WAC: variants seen among roughly 807,000 people sequenced by gnomAD.
WAC encodes WW domain-containing adapter protein with coiled-coil.
In WAC, 11 loss-of-function variants were observed where a neutral mutation model predicts 79.6. The ratio of observed to expected loss-of-function variants is 0.14; its 90% CI spans 0.09 to 0.23. WAC has a LOEUF of 0.23. Among genes scored for constraint, WAC ranks in the 10% least tolerant of loss-of-function variants. The pLI is 1.00. For synonymous variants in WAC, 304 were observed against 276.9 expected, an observed-to-expected ratio of 1.10 and a Z score of -0.97; for missense variants, 728 against 773.5, an observed-to-expected ratio of 0.94 and a Z score of 0.70.
At chr10:28,598,038 G>T (rs1285046134) in intron 7 of WAC, among the ~76,000 whole-genome samples, 1 of 152,142 alleles carries the variant, frequency 6.6e-6, no homozygotes, top group Non-Finnish European at 1.5e-5. Context: ...AACGTGCTGG[G>T]ATTACAGGTG....
chr10:28,608,476 A>G, intron 8 of WAC, 45 bp downstream of exon 8: 1 of 1,504,068 alleles, frequency 6.6e-7, no homozygotes, highest in South Asian at 1.3e-5. Flanking sequence ...TGCATTGTGC[A>G]AAGTTATGTA....
chr10:28,583,428 C>G lies in WAC; in HGVS notation c.304C>G (p.His102Asp), dbSNP rs1215977487. ...CAGTTACTCTCCACAAGAAAATTCA[C>G]ACAACCACAGTGCTCTTCATAGTTC... ...GTSYSPQENSHNHSALHSSNS... is the reference protein window; with the variant it reads ...GTSYSPQENSDNHSALHSSNS... The change falls in exon 4 of 14, where the codon CAC becomes GAC. Residue 102 changes from histidine to aspartate, a missense_variant. By Grantham distance (81) the His-to-Asp change is moderately conservative. Coordinates refer to ENST00000354911, the MANE Select transcript of WAC (RefSeq NM_016628.5). The G allele has an allele frequency of 6.3e-7, 1 of 1,585,004 alleles. No homozygotes were observed. Among genetic ancestry groups the G allele is most frequent in the African/African-American group, 1.4e-5 (1 of 72,854 alleles).
intron 5 of WAC, 116 bp from the exon 6 acceptor site, chr10:28,590,604 T>G (rs1307523542): frequency 5.0e-6 from 4 of 795,314 alleles, no homozygotes; most frequent in Non-Finnish European, 7.9e-6. Context: ...TATGACCATG[T>G]TCACTCCTTT....
At chr10:28,571,697 GT>G in intron 3 of WAC, among the ~76,000 whole-genome samples, 1 of 152,324 alleles carries the variant, frequency 6.6e-6, no homozygotes, top group Middle Eastern at 3.4e-3. Context: ...TGAGAGGTGA[GT>G]TCCATGTGGC....
intron 3 of WAC, among the ~76,000 whole-genome samples, chr10:28,581,834 T>G (rs1162109868): frequency 2.0e-5 from 3 of 152,220 alleles, no homozygotes; most frequent in Non-Finnish European, 2.9e-5. Context: ...AGTGTTCAGC[T>G]TATTTTTGAC....
intron 2 of WAC, 28 bp from the exon 3 acceptor site, chr10:28,535,533 TC>T: frequency 6.5e-7 from 1 of 1,528,968 alleles, no homozygotes. Context: ...ATTCTTTCTC[TC>T]TTTTTTTGGG....
At chr10:28,552,882 A>G (rs1426267727) in intron 3 of WAC, among the ~76,000 whole-genome samples, 1 of 136,098 alleles carries the variant, frequency 7.3e-6, no homozygotes, top group Non-Finnish European at 1.5e-5. Context: ...TTCTTGGGTA[A>G]AGAACAAGGT....
At chr10:28,556,415 T>TTTG (rs71391051) in intron 3 of WAC, among the ~76,000 whole-genome samples, 1 of 144,392 alleles carries the variant, frequency 6.9e-6, no homozygotes, top group African/African-American at 2.6e-5. Context: ...TTTTTTTTTT[T>TTTG]GCCATTAAGC....
At chr10:28,612,619 T>C (rs1841294489) in intron 10 of WAC, among the ~76,000 whole-genome samples, 2 of 152,198 alleles carry the variant, frequency 1.3e-5, no homozygotes, top group African/African-American at 2.4e-5. Flanking sequence ...TTGTAAGATA[T>C]TAAGCAGAAG....
intron 3 of WAC, among the ~76,000 whole-genome samples, chr10:28,561,595 G>C (rs977069135): frequency 6.6e-6 from 1 of 152,070 alleles, no homozygotes; most frequent in African/African-American, 2.4e-5. Context: ...GAACTTTTAA[G>C]TTTTTTCGCT....
intron 4 of WAC, among the ~76,000 whole-genome samples, chr10:28,584,774 G>T (rs1839726389): frequency 6.6e-6 from 1 of 152,166 alleles, no homozygotes. Flanking sequence ...GATAAAAATA[G>T]ATAGTATTAG....
At chr10:28,603,334 G>C (rs1377067723) in intron 7 of WAC, among the ~76,000 whole-genome samples, 1 of 152,218 alleles carries the variant, frequency 6.6e-6, no homozygotes, top group Non-Finnish European at 1.5e-5. Context: ...CCATGGGTTG[G>C]ACGAGCTTGA....
chr10:28,564,437 G>A (rs1379833403), intron 3 of WAC, among the ~76,000 whole-genome samples: 1 of 152,194 alleles, frequency 6.6e-6, no homozygotes, highest in African/African-American at 2.4e-5. Flanking sequence ...GGTGGTTAGA[G>A]GAGTAGTGGG....
At chr10:28,554,304 A>G (rs915599177) in intron 3 of WAC, among the ~76,000 whole-genome samples, 1 of 152,226 alleles carries the variant, frequency 6.6e-6, no homozygotes, top group Non-Finnish European at 1.5e-5. Flanking sequence ...ATGGATACTG[A>G]GACATGACTG....
Position 28,563,744 on chromosome 10 carries a change from C to CTTTTTTTTTTTTTTTTTTTTT in WAC, c.275-19646_275-19626dup, listed in dbSNP as rs71281550. On this transcript the variant is annotated intron_variant, in intron 3 of 13. Coordinates refer to ENST00000354911, the MANE Select transcript of WAC (RefSeq NM_016628.5). ...ACAAGTGCATGCTGCCTACACCCAG[C>CTTTTTTTTTTTTTTTTTTTTT]TTTTTTTTTTTTTTTTTTTTTTTTT... Among the ~76,000 whole-genome samples the CTTTTTTTTTTTTTTTTTTTTT allele has an allele frequency of 1.1e-3, 78 of 67,898 alleles. 8 individuals are homozygous for CTTTTTTTTTTTTTTTTTTTTT. The highest frequency in any genetic ancestry group is 1.6e-3 in the Admixed American group (7 of 4,440). 44.5% of individuals were successfully genotyped at this position (67,898 alleles called of 152,430 possible). A position where few individuals can be genotyped will look rare whatever the true frequency, so the allele number is the denominator to read the frequency against.
At chr10:28,574,197 G>A (rs1277097161) in intron 3 of WAC, among the ~76,000 whole-genome samples, 1 of 151,972 alleles carries the variant, frequency 6.6e-6, no homozygotes, top group Non-Finnish European at 1.5e-5. Context: ...GTCTTGCTCT[G>A]TGTACAGTGT....
At chr10:28,540,057 G>C (rs1836925562) in intron 3 of WAC, among the ~76,000 whole-genome samples, 1 of 152,130 alleles carries the variant, frequency 6.6e-6, no homozygotes, top group African/African-American at 2.4e-5. Context: ...ACTGGCAGTT[G>C]AGCAACATGG....
At chr10:28,570,946 CTTTTTTTTTTTT>C (rs139500035) in intron 3 of WAC, among the ~76,000 whole-genome samples, 4 of 64,538 alleles carry the variant, frequency 6.2e-5, no homozygotes, top group African/African-American at 6.0e-5. Context: ...TAAAGATATA[CTTTTTTTTTTTT>C]TTTTTTTTTT....
At chr10:28,609,669 G>A (rs367594148) in intron 8 of WAC, among the ~76,000 whole-genome samples, 1 of 151,992 alleles carries the variant, frequency 6.6e-6, no homozygotes, top group Non-Finnish European at 1.5e-5. Flanking sequence ...GGCCACTTAA[G>A]CCCAGACCAG....
Sources: gnomAD v4.1 joint callset for allele counts (sites outside exome capture counted in the v4.1 genomes callset) on GRCh38, gnomAD v4.1.1 for gene constraint, MANE v1.5 for transcripts, NCBI Gene and HGNC (gene_info 2026-07-23, HGNC 2026-07-21) for gene names.